The following LINS1 variants were observed in gnomAD, a reference collection of about 807,000 sequenced individuals.
LINS1 encodes the protein lines homolog 1.
LINS1 carries 27 observed loss-of-function variants against 41.6 expected under a neutral mutation model. The observed-to-expected ratio is 0.65, with a 90% CI of 0.48 to 0.89. The LOEUF (loss-of-function observed/expected upper bound fraction) is 0.89. Ranked by LOEUF, LINS1 falls within the 40% of genes least tolerant of loss-of-function variation. The pLI is 0.00. For synonymous variants in LINS1, 336 were observed against 312.9 expected, an observed-to-expected ratio of 1.07 and a Z score of -0.78; for missense variants, 955 against 884.1, an observed-to-expected ratio of 1.08 and a Z score of -1.02.
intron 1 of LINS1, among the ~76,000 whole-genome samples, chr15:100,598,780 G>A (rs1438110289): frequency 1.3e-5 from 2 of 152,220 alleles, no homozygotes; most frequent in Non-Finnish European, 2.9e-5. Context: ...TGCTGCATCT[G>A]TCTTTATGGT....
chr15:100,579,401 A>AT (rs35349929), intron 3 of LINS1, among the ~76,000 whole-genome samples: 134,771 of 146,294 alleles, frequency 0.92, 62,730 homozygotes, highest in Non-Finnish European at 0.99. Flanking sequence ...CCTTTAACTT[A>AT]TTTTTTTTTT....
chr15:100,590,988 G>T (rs2039013242), intron 1 of LINS1, among the ~76,000 whole-genome samples: 2 of 152,168 alleles, frequency 1.3e-5, no homozygotes, highest in South Asian at 4.2e-4. Context: ...AGACCAGCCT[G>T]GCCAACATGA....
At chr15:100,600,551 C>CAAATAAAAAAAAAAAAA in intron 1 of LINS1, among the ~76,000 whole-genome samples, 1 of 79,674 alleles carries the variant, frequency 1.3e-5, no homozygotes, top group Non-Finnish European at 2.2e-5. Flanking sequence ...TGCTGTTAAG[C>CAAATAAAAAAAAAAAAA]AAAAAAAAAA....
intron 1 of LINS1, among the ~76,000 whole-genome samples, chr15:100,596,376 C>A (rs1043270739): frequency 3.3e-5 from 5 of 151,910 alleles, no homozygotes; most frequent in Admixed American, 3.3e-4. Flanking sequence ...AGTGAGAATA[C>A]AAACTCTGTC....
intron 1 of LINS1, among the ~76,000 whole-genome samples, chr15:100,590,756 C>T (rs1401031544): frequency 6.6e-6 from 1 of 152,090 alleles, no homozygotes; most frequent in Non-Finnish European, 1.5e-5. Flanking sequence ...AAAGAGATTG[C>T]TTGGTTAAAT....
chr15:100,592,869 A>C (rs2039097921), intron 1 of LINS1, among the ~76,000 whole-genome samples: 1 of 152,250 alleles, frequency 6.6e-6, no homozygotes, highest in African/African-American at 2.4e-5. Context: ...GATCAAGTAT[A>C]AACTCCTCTT....
intron 6 of LINS1, 60 bp from the exon 7 acceptor site, chr15:100,570,177 C>T: frequency 1.5e-6 from 2 of 1,322,470 alleles, no homozygotes; most frequent in Non-Finnish European, 2.1e-6. Context: ...AACAGTTTTA[C>T]CAGATATAAT....
At chr15:100,591,429 C>G (rs2039032461) in intron 1 of LINS1, among the ~76,000 whole-genome samples, 1 of 152,062 alleles carries the variant, frequency 6.6e-6, no homozygotes, top group Non-Finnish European at 1.5e-5. Flanking sequence ...ACACTCTCAC[C>G]TAAGTGAGAA....
In LINS1 at chr15:100,593,559, T is replaced by TGGGC. The variant is rs1270777242; in HGVS notation, c.-104+8561_-104+8562insGCCC. ...GCTCTAAGTGAGTTTTACAACTTTA[T>TGGGC]GGGGGGGGGGGGTGCTTAATTATCA... On this transcript the variant is annotated intron_variant, in intron 1 of 6. Transcript: ENST00000314742. Among the ~76,000 whole-genome samples the TGGGC allele has an allele frequency of 2.9e-3, 328 of 113,376 alleles. 3 individuals carry two copies. The highest frequency in any genetic ancestry group is 4.5e-3 in the Non-Finnish European group (208 of 46,686). The allele number at this position is 113,376 out of a possible 152,430, so 74.4% of individuals were successfully genotyped here.
intron 1 of LINS1, among the ~76,000 whole-genome samples, chr15:100,595,477 G>A (rs914599176): frequency 5.9e-5 from 9 of 152,136 alleles, no homozygotes; most frequent in Non-Finnish European, 1.2e-4. Context: ...ACACTACAGT[G>A]AACTACCACT....
chr15:100,571,810 G>A lies in LINS1; in HGVS notation c.1394+84C>T, dbSNP rs2037842090. 5 of 1,492,822 alleles carry A rather than the reference G, an allele frequency of 3.3e-6. No homozygotes were observed. The South Asian group carries it at 3.4e-5, about 10-fold the overall frequency. The allele number at this position is 1,492,822 out of a possible 1,614,324, so 92.5% of individuals were successfully genotyped here. On this transcript the variant is annotated intron_variant, in intron 6 of 6. Transcript: ENST00000314742. Reference sequence around the variant, plus strand: ...GTTTTCCCCCAAATGATGAAAGTAAGCAACACGCCCAGCACATTCTCAGAA... The same window carrying A: ...GTTTTCCCCCAAATGATGAAAGTAAACAACACGCCCAGCACATTCTCAGAA...
intron 1 of LINS1, among the ~76,000 whole-genome samples, chr15:100,589,506 G>A (rs1336718968): frequency 6.6e-6 from 1 of 152,212 alleles, no homozygotes; most frequent in African/African-American, 2.4e-5. Context: ...GAGGATATAA[G>A]TCTAATATTA....
At chr15:100,578,762 C>G (rs1308784875) in intron 3 of LINS1, among the ~76,000 whole-genome samples, 2 of 152,118 alleles carry the variant, frequency 1.3e-5, no homozygotes, top group African/African-American at 4.8e-5. Context: ...ATAGCAAAGA[C>G]TTGGAACCAA....
rs187774051 is a variant in LINS1 at position 100,569,543 on chromosome 15, T to A, written c.1969A>T (p.Thr657Ser). 3 of 1,614,098 alleles carry A rather than the reference T, an allele frequency of 1.9e-6. No homozygotes were observed. The highest frequency in any genetic ancestry group is 2.5e-6 in the Non-Finnish European group (3 of 1,180,042). ...CCAGCTGCATCCTGAATCTCCTTAG[T>A]TGCTTGCTGGTGTAAAGATGTCTGT... ...SKQTSLHQQA[T>S]KEIQDAAGTS... The change falls in exon 7 of 7, where the codon ACT becomes TCT. Residue 657 changes from threonine (T) to serine (S), a missense_variant. Coordinates refer to ENST00000314742, the MANE Select transcript of LINS1 (RefSeq NM_001040616.3).
At chr15:100,591,342 C>T (rs540785761) in intron 1 of LINS1, among the ~76,000 whole-genome samples, 1 of 152,274 alleles carries the variant, frequency 6.6e-6, no homozygotes, top group African/African-American at 2.4e-5. Flanking sequence ...GACACCATAA[C>T]CTATGAATCA....
intron 3 of LINS1, among the ~76,000 whole-genome samples, chr15:100,578,560 C>T (rs1005858019): frequency 6.6e-6 from 1 of 152,270 alleles, no homozygotes; most frequent in South Asian, 2.1e-4. Flanking sequence ...AATAGGAACA[C>T]TTTTACACTG....
intron 5 of LINS1, chr15:100,572,330 G>A (rs2141271508): frequency 8.1e-7 from 1 of 1,239,426 alleles, no homozygotes; most frequent in East Asian, 4.4e-5. Flanking sequence ...CCTAACAACT[G>A]TCTCTTAGAA....
At chr15:100,573,607 G>C (rs1374768833) in intron 5 of LINS1, 44 bp downstream of exon 5, 1 of 1,176,986 alleles carries the variant, frequency 8.5e-7, no homozygotes, top group Non-Finnish European at 1.3e-6. Flanking sequence ...CTGTACTTAA[G>C]TAAATAATTA....
Position 100,573,634 on chromosome 15 carries a change from G to A in LINS1, c.1222+17C>T. On this transcript the variant is annotated intron_variant, in intron 5 of 6. Coordinates refer to ENST00000314742, the MANE Select transcript of LINS1 (RefSeq NM_001040616.3). ...AAATAATTACACACTGCATACAAAA[G>A]GAGTTTGGAGAATTACCTTTCACTT... 7.0e-7 allele frequency: 1 copy of A among 1,436,158 alleles called. No homozygotes were observed. The allele number at this position is 1,436,158 out of a possible 1,614,324, so 89.0% of individuals were successfully genotyped here.
Sources: gnomAD v4.1 joint callset for allele counts (sites outside exome capture counted in the v4.1 genomes callset) on GRCh38, gnomAD v4.1.1 for gene constraint, MANE v1.5 for transcripts, NCBI Gene and HGNC (gene_info 2026-07-23, HGNC 2026-07-21) for gene names.